CAMKMT: variants seen among roughly 807,000 people sequenced by gnomAD.
CAMKMT encodes calmodulin-lysine N-methyltransferase.
Under a neutral mutation model 48.0 loss-of-function variants are expected in CAMKMT, and 53 were observed. The observed-to-expected ratio is 1.10, with a 90% confidence interval of 0.89 to 1.39. CAMKMT has a LOEUF of 1.39. Among genes scored for constraint, CAMKMT ranks in the 40% most tolerant of loss-of-function variants. The probability of loss-of-function intolerance (pLI) is 0.00; values close to 1 mark genes in which losing one functional copy is unlikely to be tolerated. For synonymous variants in CAMKMT, 165 were observed against 152.3 expected (o/e 1.08, Z -0.61); for missense variants, 428 against 402.7 (o/e 1.06, Z -0.54).
At chr2:44,735,762 A>T (rs1392829574) in intron 7 of CAMKMT, among the ~76,000 whole-genome samples, 1 of 151,954 alleles carries the variant, frequency 6.6e-6, no homozygotes, top group East Asian at 1.9e-4. Context: ...CAAAAACAAA[A>T]ATTAGCCAGG....
chr2:44,725,447 G>A (rs1357524592), intron 7 of CAMKMT, among the ~76,000 whole-genome samples: 1 of 152,128 alleles, frequency 6.6e-6, no homozygotes, highest in African/African-American at 2.4e-5. Context: ...GTCCAGACAA[G>A]AGATGGACAT....
intron 5 of CAMKMT, 99 bp downstream of exon 5, chr2:44,706,440 T>G: frequency 8.8e-7 from 1 of 1,142,764 alleles, no homozygotes; most frequent in South Asian, 1.2e-5. Context: ...GTCAACAGCA[T>G]CAGCTGCGGT....
At chr2:44,488,184 C>G (rs912329355) in intron 3 of CAMKMT, among the ~76,000 whole-genome samples, 2 of 152,022 alleles carry the variant, frequency 1.3e-5, no homozygotes, top group African/African-American at 4.8e-5. Flanking sequence ...TGTAAGTTTG[C>G]CAGTATATAA....
intron 3 of CAMKMT, among the ~76,000 whole-genome samples, chr2:44,564,196 G>A (rs1668485837): frequency 7.2e-6 from 1 of 138,658 alleles, no homozygotes; most frequent in South Asian, 2.3e-4. Context: ...TTTTTTTTGA[G>A]ACGGAATCTC....
intron 3 of CAMKMT, among the ~76,000 whole-genome samples, chr2:44,464,416 C>A (rs977251111): frequency 1.1e-4 from 16 of 152,072 alleles, no homozygotes; most frequent in Non-Finnish European, 1.5e-5. Flanking sequence ...GGACAGAGAG[C>A]TTATTTGAAG....
At chr2:44,640,134 C>A (rs1201401917) in intron 3 of CAMKMT, among the ~76,000 whole-genome samples, 1 of 152,106 alleles carries the variant, frequency 6.6e-6, no homozygotes, top group Non-Finnish European at 1.5e-5. Flanking sequence ...AGTTATTTTA[C>A]TATTGATGTG....
rs1007274480 is a variant in CAMKMT at position 44,586,116 on chromosome 2, A to G, written c.377-118167A>G. On this transcript the variant is annotated intron_variant, in intron 3 of 10. Transcript: ENST00000378494. ...GTATGTACAGAGGTACGATTTGCCT[A>G]TTCTGTTTGGAAACAGAATAGGCAG... is the stretch of plus-strand genomic sequence containing the variant. Among the ~76,000 whole-genome samples, 8 of 152,292 alleles carry G rather than the reference A, an allele frequency of 5.3e-5. No homozygotes were observed. In the East Asian group the frequency reaches 1.5e-3, roughly 29 times the overall value.
intron 3 of CAMKMT, among the ~76,000 whole-genome samples, chr2:44,671,307 T>G (rs1675312218): frequency 6.6e-6 from 1 of 152,176 alleles, no homozygotes; most frequent in Non-Finnish European, 1.5e-5. Flanking sequence ...CCAGTCCTAT[T>G]TGTGATACCC....
intron 3 of CAMKMT, among the ~76,000 whole-genome samples, chr2:44,476,984 C>T (rs765415446): frequency 9.2e-5 from 14 of 152,070 alleles, no homozygotes; most frequent in Non-Finnish European, 1.8e-4. Context: ...TTTATACAGT[C>T]ATATCAATGG....
At chr2:44,770,549 C>A (rs957276404) in intron 10 of CAMKMT, among the ~76,000 whole-genome samples, 1 of 152,208 alleles carries the variant, frequency 6.6e-6, no homozygotes, top group African/African-American at 2.4e-5. Flanking sequence ...TCAACTTTCC[C>A]TTATCCCCAA....
chr2:44,551,378 G>A (rs1480919114), intron 3 of CAMKMT, among the ~76,000 whole-genome samples: 2 of 152,192 alleles, frequency 1.3e-5, no homozygotes, highest in Admixed American at 6.5e-5. Flanking sequence ...AGGATTGGAA[G>A]TTCTAAAGGG....
chr2:44,511,909 C>G (rs189739403), intron 3 of CAMKMT, among the ~76,000 whole-genome samples: 1 of 152,158 alleles, frequency 6.6e-6, no homozygotes, highest in Non-Finnish European at 1.5e-5. Flanking sequence ...CTGCCCACCC[C>G]CCATCTTCTA....
chr2:44,453,312 A>T (rs1667392086), intron 3 of CAMKMT, among the ~76,000 whole-genome samples: 1 of 152,076 alleles, frequency 6.6e-6, no homozygotes, highest in African/African-American at 2.4e-5. Context: ...TGAGTCATAA[A>T]TGGAAAATAT....
Position 44,488,959 on chromosome 2 carries a change from G to A in CAMKMT, c.376+98654G>A, listed in dbSNP as rs138299481. Among the ~76,000 whole-genome samples the A allele has an allele frequency of 2.6e-5, 4 of 151,914 alleles. No individual in the cohort carries two copies. In the East Asian group the frequency reaches 7.8e-4, roughly 30 times the overall value. On this transcript the variant is annotated intron_variant, in intron 3 of 10. Transcript: ENST00000378494. ...TAGCTCACTGCAGCCTTGAACTCGT[G>A]GGCTCAAGGGATCCTCCTGTCCCCC...
At chr2:44,485,376 A>G (rs780347055) in intron 3 of CAMKMT, among the ~76,000 whole-genome samples, 3 of 152,232 alleles carry the variant, frequency 2.0e-5, no homozygotes, top group Non-Finnish European at 4.4e-5. Flanking sequence ...AAATGAATCA[A>G]CTATTTCCAC....
chr2:44,515,596 A>G (rs958765835), intron 3 of CAMKMT, among the ~76,000 whole-genome samples: 5 of 152,210 alleles, frequency 3.3e-5, no homozygotes, highest in African/African-American at 1.2e-4. Flanking sequence ...GGGAGTAACC[A>G]TGGCACCAGT....
intron 3 of CAMKMT, among the ~76,000 whole-genome samples, chr2:44,547,281 A>C (rs903961460): frequency 2.0e-5 from 3 of 152,152 alleles, no homozygotes; most frequent in South Asian, 4.1e-4. Context: ...AAACTGTTCT[A>C]TGCTGATAGT....
intron 3 of CAMKMT, among the ~76,000 whole-genome samples, chr2:44,548,629 C>G (rs1350816159): frequency 4.6e-5 from 7 of 152,120 alleles, no homozygotes; most frequent in Admixed American, 3.3e-4. Context: ...AATGACATAA[C>G]CCCTTTAAAT....
intron 3 of CAMKMT, among the ~76,000 whole-genome samples, chr2:44,670,579 G>C (rs1304430481): frequency 1.3e-5 from 2 of 152,180 alleles, no homozygotes; most frequent in South Asian, 2.1e-4. Context: ...TTGAGCCCCA[G>C]TGTTAAAGGC....
Sources: gnomAD v4.1 joint callset for allele counts (sites outside exome capture counted in the v4.1 genomes callset) on GRCh38, gnomAD v4.1.1 for gene constraint, MANE v1.5 for transcripts, NCBI Gene and HGNC (gene_info 2026-07-23, HGNC 2026-07-21) for gene names.